Variants in MARCHF5 observed in about 807,000 individuals in gnomAD.
MARCHF5 encodes E3 ubiquitin-protein ligase MARCHF5.
Under a neutral mutation model 36.5 loss-of-function variants are expected in MARCHF5, and 5 were observed. The ratio of observed to expected loss-of-function variants is 0.14; its 90% CI spans 0.07 to 0.29. The LOEUF (loss-of-function observed/expected upper bound fraction) is 0.29. Among genes scored for constraint, MARCHF5 ranks in the 10% least tolerant of loss-of-function variants. The pLI is 1.00. For missense variants in MARCHF5, 179 were observed against 336.3 expected (o/e 0.53, Z 3.66); for synonymous variants, 103 against 109.9 (o/e 0.94, Z 0.39).
intron 2 of MARCHF5, among the ~76,000 whole-genome samples, chr10:92,313,031 C>T (rs879913901): frequency 7.2e-5 from 11 of 151,800 alleles, no homozygotes; most frequent in Non-Finnish European, 1.5e-4. Context: ...GTCAGGAGTT[C>T]GAGACCAACC....
In MARCHF5 at chr10:92,291,507, G is replaced by T. The variant is rs559816689; in HGVS notation, c.13G>T (p.Ala5Ser). The T allele has an allele frequency of 2.1e-5, 32 of 1,548,122 alleles. 2 individuals carry two copies. In the South Asian group the frequency reaches 3.7e-4, roughly 18 times the overall value. ...GGCTCCGCGGAAGATGCCGGACCAA[G>T]CCCTACAGCAGATGCTGGACAGGTA... MPDQ[A>S]LQQMLDRSCW... The change falls in exon 1 of 6, where the codon GCC becomes TCC. Residue 5 changes from alanine (A) to serine (S), a missense_variant. Transcript: ENST00000358935.
rs370969366 is a variant in MARCHF5, at chr10:92,306,542, T to A, written c.36-4593T>A. 2.0e-5 allele frequency among the ~76,000 whole-genome samples: 3 copies of A among 152,306 alleles called. No individual in the cohort carries two copies. The East Asian group carries it at 5.8e-4, about 29-fold the overall frequency. On this transcript the variant is annotated intron_variant, in intron 1 of 5. Transcript: ENST00000358935. ...TTCTACTGTCCCCTCCATTCCAAGA[T>A]GTTGAGAAATTATAAATGAATCATT...
At chr10:92,327,944 A>G (rs1174190129) in intron 2 of MARCHF5, among the ~76,000 whole-genome samples, 1 of 152,172 alleles carries the variant, frequency 6.6e-6, no homozygotes, top group East Asian at 1.9e-4. Context: ...CATTATCACC[A>G]GTAATGATTC....
At chr10:92,342,175 A>C (rs1164871744) in intron 3 of MARCHF5, among the ~76,000 whole-genome samples, 1 of 142,906 alleles carries the variant, frequency 7.0e-6, no homozygotes, top group Non-Finnish European at 1.5e-5. Context: ...CGACAAAACA[A>C]AGTCTTACTC....
chr10:92,310,208 A>G (rs1418643235), intron 1 of MARCHF5, among the ~76,000 whole-genome samples: 1 of 152,198 alleles, frequency 6.6e-6, no homozygotes, highest in Admixed American at 6.5e-5. Flanking sequence ...CAATTAATTA[A>G]AAAGTGCACA....
intron 1 of MARCHF5, among the ~76,000 whole-genome samples, chr10:92,300,768 C>G (rs1204268252): frequency 6.6e-6 from 1 of 152,254 alleles, no homozygotes; most frequent in East Asian, 1.9e-4. Flanking sequence ...AAAGCTCTAC[C>G]CATTTTTCAA....
chr10:92,322,438 C>T (rs1341922186), intron 2 of MARCHF5, among the ~76,000 whole-genome samples: 3 of 141,266 alleles, frequency 2.1e-5, no homozygotes, highest in African/African-American at 8.0e-5. Context: ...TTCTTTTTGT[C>T]CTTTTTTTTT....
rs1843734863 is a variant in MARCHF5 at position 92,352,877 on chromosome 10, CTTAGA to C, written c.*1674_*1678del. 6.6e-6 allele frequency: 1 copy of C among 152,584 alleles called. No individual in the cohort carries two copies. The highest frequency in any genetic ancestry group is 1.5e-5 in the Non-Finnish European group (1 of 68,036). The allele number at this position is 152,584 out of a possible 1,614,324, so 9.5% of individuals were successfully genotyped here. On this transcript the variant is annotated 3_prime_UTR_variant, in exon 6 of 6. Transcript: ENST00000358935. ...CATCTATGGTTATATATTTTAAAAA[CTTAGA>C]TTATAGGCTGTAATTATAAAATATA...
At chr10:92,308,850 A>G (rs1194325776) in intron 1 of MARCHF5, among the ~76,000 whole-genome samples, 1 of 151,742 alleles carries the variant, frequency 6.6e-6, no homozygotes, top group East Asian at 1.9e-4. Context: ...GACTGCAGAC[A>G]CCCGCCACCA....
intron 1 of MARCHF5, among the ~76,000 whole-genome samples, chr10:92,293,418 T>A (rs536824055): frequency 2.0e-3 from 307 of 152,222 alleles, no homozygotes; most frequent in Non-Finnish European, 3.0e-3. Context: ...AAAGTTCTTA[T>A]GTCCAAAAGC....
At chr10:92,333,717 T>C in intron 2 of MARCHF5, 1 of 931,764 alleles carries the variant, frequency 1.1e-6, no homozygotes, top group Non-Finnish European at 1.3e-6. Flanking sequence ...AAGTTAGTCT[T>C]TGCTGAGAAG....
At chr10:92,334,605 G>A (rs985983715) in intron 2 of MARCHF5, 1 of 152,162 alleles carries the variant, frequency 6.6e-6, no homozygotes, top group Admixed American at 6.6e-5. Context: ...AGCAAATGCT[G>A]AACATTAAGT....
chr10:92,302,350 C>T (rs1326244286), intron 1 of MARCHF5, among the ~76,000 whole-genome samples: 1 of 152,180 alleles, frequency 6.6e-6, no homozygotes, highest in Non-Finnish European at 1.5e-5. Context: ...ATATTAGTCT[C>T]CCTAATAGTG....
intron 1 of MARCHF5, among the ~76,000 whole-genome samples, chr10:92,292,343 G>C (rs1842888094): frequency 6.6e-6 from 1 of 152,134 alleles, no homozygotes; most frequent in Non-Finnish European, 1.5e-5. Flanking sequence ...CCCGAGCCAA[G>C]TCTTACTTCC....
At chr10:92,315,226 G>A (rs1021263292) in intron 2 of MARCHF5, among the ~76,000 whole-genome samples, 2 of 152,230 alleles carry the variant, frequency 1.3e-5, no homozygotes, top group African/African-American at 4.8e-5. Flanking sequence ...CTGTACGCTA[G>A]TGGCTTCATG....
Position 92,324,396 on chromosome 10 carries a change from C to T in MARCHF5, c.238+13059C>T, listed in dbSNP as rs567451004. 8.5e-5 allele frequency among the ~76,000 whole-genome samples: 13 copies of T among 152,254 alleles called. No individual in the cohort carries two copies. In the South Asian group the frequency reaches 2.7e-3, roughly 32 times the overall value. On this transcript the variant is annotated intron_variant, in intron 2 of 5. Coordinates refer to ENST00000358935, the MANE Select transcript of MARCHF5 (RefSeq NM_017824.5). ...TCTATTTATGAGACGGAGTCTCACTCTGTTGCCCAGGCTAGAGTGCAGTGG... is the reference window on the plus strand; with the variant it reads ...TCTATTTATGAGACGGAGTCTCACTTTGTTGCCCAGGCTAGAGTGCAGTGG...
chr10:92,321,538 A>T (rs1275138249), intron 2 of MARCHF5, among the ~76,000 whole-genome samples: 1 of 152,024 alleles, frequency 6.6e-6, no homozygotes, highest in Non-Finnish European at 1.5e-5. Context: ...CTTTTGTGAC[A>T]TCTTTGGTTT....
At chr10:92,311,720 C>T (rs898437477) in intron 2 of MARCHF5, among the ~76,000 whole-genome samples, 2 of 152,098 alleles carry the variant, frequency 1.3e-5, no homozygotes, top group African/African-American at 4.8e-5. Flanking sequence ...AATACTTCTC[C>T]TTAATTCTTC....
chr10:92,322,742 T>TC (rs1474612687), intron 2 of MARCHF5, among the ~76,000 whole-genome samples: 4 of 150,682 alleles, frequency 2.7e-5, no homozygotes, highest in African/African-American at 9.8e-5. Flanking sequence ...CTTTTTTTTT[T>TC]CTTTCTTTGT....
Sources: allele counts gnomAD v4.1 joint callset (sites outside exome capture counted in the v4.1 genomes callset), GRCh38; gene constraint gnomAD v4.1.1; transcripts MANE v1.5; gene names NCBI Gene and HGNC (gene_info 2026-07-23, HGNC 2026-07-21).